Variants in POLR1A observed in about 807,000 individuals in gnomAD.
POLR1A encodes RNA polymerase I subunit A.
Under a neutral mutation model 205.3 loss-of-function variants are expected in POLR1A, and 84 were observed. The ratio of observed to expected loss-of-function variants is 0.41; its 90% CI spans 0.34 to 0.49. POLR1A has a LOEUF of 0.49. Ranked by LOEUF, POLR1A falls within the 20% of genes least tolerant of loss-of-function variation. The pLI is 0.22. For synonymous variants in POLR1A, 799 were observed against 863.7 expected (o/e 0.93, Z 1.31); for missense variants, 1,645 against 2,204.5 (o/e 0.75, Z 5.08).
chr2:86,073,459 A>G (rs1246517956), intron 12 of POLR1A, among the ~76,000 whole-genome samples: 1 of 152,182 alleles, frequency 6.6e-6, no homozygotes, highest in Non-Finnish European at 1.5e-5. Context: ...CTGAGAGAGC[A>G]GCAAGAATTC....
intron 13 of POLR1A, among the ~76,000 whole-genome samples, chr2:86,068,356 G>A (rs958179993): frequency 8.5e-6 from 1 of 117,466 alleles, no homozygotes; most frequent in Non-Finnish European, 1.6e-5. Context: ...GTCGAGTGGG[G>A]CTAAGAACAC....
rs749677688 is a variant in POLR1A, at chr2:86,081,593, G to C, written c.923+8C>G. The C allele has an allele frequency of 1.3e-6, 2 of 1,515,080 alleles. No homozygotes were observed. Among genetic ancestry groups the C allele is most frequent in the South Asian group, 1.1e-5 (1 of 87,002 alleles). The allele number at this position is 1,515,080 out of a possible 1,614,324, so 93.9% of individuals were successfully genotyped here. ...TTCAGGTGAAATAAGTTAATTAAAG[G>C]GTATTACCTTGAGGGCGGCACCACC... On this transcript the variant is annotated splice_region_variant and intron_variant, in intron 8 of 33. Coordinates refer to ENST00000263857, the MANE Select transcript of POLR1A (RefSeq NM_015425.6).
rs1672310926 is a variant in POLR1A, at chr2:86,028,484, T to C, written c.4897+110A>G. On this transcript the variant is annotated intron_variant, in intron 32 of 33. Coordinates refer to ENST00000263857, the MANE Select transcript of POLR1A (RefSeq NM_015425.6). The surrounding 1 kb of genome is among the most constrained non-coding windows in gnomAD (Gnocchi z 4.5). The stretch of plus-strand genomic sequence containing the variant: ...ACGCATGCTGCAGTGCCTGCCTTAG[T>C]GCTGGACTGACTCGGTGCTGGACCG... 1 of 775,330 alleles carries C rather than the reference T, an allele frequency of 1.3e-6. No individual in the cohort carries two copies. Among genetic ancestry groups the C allele is most frequent in the Non-Finnish European group, 2.3e-6 (1 of 427,348 alleles). 48.0% of individuals were successfully genotyped at this position (775,330 alleles called of 1,614,324 possible).
At chr2:86,046,435 G>A (rs1012015408) in intron 19 of POLR1A, among the ~76,000 whole-genome samples, 5 of 152,090 alleles carry the variant, frequency 3.3e-5, no homozygotes, top group East Asian at 1.9e-4. Flanking sequence ...AACGGCTTTC[G>A]GCCTTTCTGT....
At chr2:86,046,113 C>T (rs751145145) in intron 19 of POLR1A, among the ~76,000 whole-genome samples, 11 of 152,032 alleles carry the variant, frequency 7.2e-5, no homozygotes, top group Admixed American at 6.5e-4. Context: ...CCATTTATTG[C>T]GATCCTCACA....
In POLR1A at chr2:86,070,079, T is replaced by C; in HGVS notation, c.1805A>G (p.Glu602Gly). 1 of 1,614,170 alleles carries C rather than the reference T, an allele frequency of 6.2e-7. No homozygotes were observed. The highest frequency in any genetic ancestry group is 8.5e-7 in the Non-Finnish European group (1 of 1,180,002). Residue 602 changes from glutamate to glycine, a missense_variant, in exon 13 of 34, where the codon GAG becomes GGG. Glu to Gly is a moderately conservative substitution (Grantham distance 98, BLOSUM62 -2). Around this residue, in one of 16 missense-constraint regions of POLR1A, gnomAD observed 24 missense variants for 52.1 expected, o/e 0.46. Coordinates refer to ENST00000263857, the MANE Select transcript of POLR1A (RefSeq NM_015425.6). The surrounding 1 kb of genome is among the most constrained non-coding windows in gnomAD (Gnocchi z 4.4). ...GACGTAGGCCTCGGCCCGGCCCAGC[T>C]CACTCTGGGGGAAATGGGCATTCAT... ...DEMNAHFPQSELGRAEAYVLA... is the reference protein window; with the variant it reads ...DEMNAHFPQSGLGRAEAYVLA...
chr2:86,076,934 C>T (rs1173296808), intron 11 of POLR1A, among the ~76,000 whole-genome samples: 2 of 152,208 alleles, frequency 1.3e-5, no homozygotes, highest in African/African-American at 4.8e-5. Context: ...CCTTTGAATG[C>T]AAGGACTATG....
intron 13 of POLR1A, among the ~76,000 whole-genome samples, chr2:86,066,471 C>T (rs777925343): frequency 2.6e-5 from 4 of 152,146 alleles, no homozygotes; most frequent in South Asian, 4.1e-4. Context: ...ACATAACGCA[C>T]GCTGAAGTAA....
chr2:86,030,113 C>T (rs918164425), intron 31 of POLR1A, 83 bp downstream of exon 31: 106 of 1,137,048 alleles, frequency 9.3e-5, no homozygotes, highest in Non-Finnish European at 1.0e-4. Flanking sequence ...TCGCGTAGAG[C>T]GAGCCTCCCA....
In POLR1A at chr2:86,083,137, T is replaced by C; in HGVS notation, c.762A>G (p.Gly254=). 6.2e-7 allele frequency: 1 copy of C among 1,614,018 alleles called. No homozygotes were observed. The change falls in exon 7 of 34, where the codon GGA becomes GGG. Residue 254 remains glycine (G), a synonymous_variant. Transcript: ENST00000263857. Reference sequence around the variant, plus strand: ...CGCGGGCACTGGTGGGTGTTAAGTATCCTCGTTTTCCTATCTGAGCTTCCT... The same window carrying C: ...CGCGGGCACTGGTGGGTGTTAAGTACCCTCGTTTTCCTATCTGAGCTTCCT... The part of the protein sequence containing the change: ...GIEEAQIGKR[G]YLTPTSAREH...
chr2:86,033,830 A>T (rs1672445836), intron 27 of POLR1A, 43 bp from the exon 28 acceptor site: 17 of 1,608,686 alleles, frequency 1.1e-5, no homozygotes, highest in Non-Finnish European at 1.4e-5. Context: ...CAGTACCAGC[A>T]TGTCCAGCCC....
intron 1 of POLR1A, among the ~76,000 whole-genome samples, chr2:86,103,118 T>C (rs1454441592): frequency 1.3e-5 from 2 of 152,162 alleles, no homozygotes; most frequent in African/African-American, 4.8e-5. Flanking sequence ...ATGTATAGTC[T>C]GTTAGACGGC....
At position 86,088,881 on chromosome 2, in the gene POLR1A, A is replaced by T. The variant is rs758094436; in HGVS notation, c.541-11T>A. On this transcript the variant is annotated splice_polypyrimidine_tract_variant and intron_variant, in intron 4 of 33. Transcript: ENST00000263857. ...ACACACGTTCTTTACCTGTTTTTTTAAAAAAAGTCAGAGAACCTTGGAGTG... is the reference window on the plus strand; with the variant it reads ...ACACACGTTCTTTACCTGTTTTTTTTAAAAAAGTCAGAGAACCTTGGAGTG... The T allele has an allele frequency of 3.1e-5, 49 of 1,597,548 alleles. No individual in the cohort carries two copies. Among genetic ancestry groups the T allele is most frequent in the Middle Eastern group, 1.7e-4 (1 of 6,038 alleles).
At chr2:86,088,002 T>C in intron 6 of POLR1A, among the ~76,000 whole-genome samples, 1 of 152,302 alleles carries the variant, frequency 6.6e-6, no homozygotes, top group Non-Finnish European at 1.5e-5. Context: ...CCAAAAAACA[T>C]TTTTAAATAA....
chr2:86,102,378 T>C (rs1358109846), intron 1 of POLR1A, among the ~76,000 whole-genome samples: 1 of 152,248 alleles, frequency 6.6e-6, no homozygotes, highest in African/African-American at 2.4e-5. Flanking sequence ...AAATTGGTGA[T>C]GTTCAACATC....
At chr2:86,087,080 A>G (rs1673515672) in intron 6 of POLR1A, among the ~76,000 whole-genome samples, 1 of 152,244 alleles carries the variant, frequency 6.6e-6, no homozygotes, top group Non-Finnish European at 1.5e-5. Flanking sequence ...AGTTTAGATA[A>G]TAGTGTTGCA....
rs543626300 is a variant in POLR1A at position 86,075,138 on chromosome 2, G to A, written c.1503C>T (p.Asp501=). 184 of 1,613,598 alleles carry A rather than the reference G, an allele frequency of 1.1e-4. No homozygotes were observed. Among genetic ancestry groups the A allele is most frequent in the East Asian group, 1.8e-4 (8 of 44,878 alleles). Reference sequence around the variant, plus strand: ...CAGCGCTCAGGGCTGTGCGGCTGCCGTCCTCATTGATGACCATGGAGGCTC... The same window carrying A: ...CAGCGCTCAGGGCTGTGCGGCTGCCATCCTCATTGATGACCATGGAGGCTC... ...HPGASMVINE[D]GSRTALSAVD... The change falls in exon 12 of 34, where the codon GAC becomes GAT. Residue 501 remains aspartate (D), a synonymous_variant. Transcript: ENST00000263857.
chr2:86,060,111 T>C (rs553840830), intron 14 of POLR1A, among the ~76,000 whole-genome samples: 3 of 152,350 alleles, frequency 2.0e-5, no homozygotes, highest in Non-Finnish European at 4.4e-5. Context: ...CAGTATCATC[T>C]ACCATAGCAG....
At chr2:86,090,356 C>A (rs1293054266) in intron 3 of POLR1A, among the ~76,000 whole-genome samples, 1 of 145,290 alleles carries the variant, frequency 6.9e-6, no homozygotes, top group Non-Finnish European at 1.5e-5. Flanking sequence ...CCACTGCACT[C>A]CAGCCTGGGT....
Sources: gnomAD v4.1 joint callset for allele counts (sites outside exome capture counted in the v4.1 genomes callset) on GRCh38, gnomAD v4.1.1 for gene constraint, gnomAD v4.1.1 regional missense constraint, Gnocchi (gnomAD v3.1) non-coding constraint, MANE v1.5 for transcripts, NCBI Gene and HGNC (gene_info 2026-07-23, HGNC 2026-07-21) for gene names.